Variants in OR5AN1 observed in about 807,000 individuals in gnomAD.
OR5AN1 encodes the protein olfactory receptor family 5 subfamily AN member 1.
For synonymous variants in OR5AN1, 167 were observed against 131.8 expected, an observed-to-expected ratio of 1.27 and a Z score of -1.83; for missense variants, 476 against 368.9, an observed-to-expected ratio of 1.29 and a Z score of -2.38.
At position 59,364,641 on chromosome 11, in the gene OR5AN1, T is replaced by C. The variant is rs763619798; in HGVS notation, c.183T>C (p.Tyr61=). Residue 61 remains tyrosine, a synonymous_variant, in exon 2 of 2, where the codon TAT becomes TAC. Coordinates refer to ENST00000641998, the MANE Select transcript of OR5AN1 (RefSeq NM_001004729.2). ...RMDSHLHTPM[Y]FFLSNLSFID... The stretch of plus-strand genomic sequence containing the variant: ...ATTCCCACCTCCATACACCCATGTA[T>C]TTCTTCCTCAGTAACCTGTCCTTCA... 1.2e-6 allele frequency: 2 copies of C among 1,613,980 alleles called. No individual in the cohort carries two copies. Among genetic ancestry groups the C allele is most frequent in the African/African-American group, 2.7e-5 (2 of 74,934 alleles).
At position 59,368,638 on chromosome 11, in the gene OR5AN1, G is replaced by C. The variant is rs899398487; in HGVS notation, c.*3244G>C. 5 of 152,348 alleles carry C rather than the reference G, an allele frequency of 3.3e-5. No homozygotes were observed. Among genetic ancestry groups the C allele is most frequent in the African/African-American group, 1.2e-4 (5 of 41,424 alleles). 9.4% of individuals were successfully genotyped at this position (152,348 alleles called of 1,614,324 possible). On this transcript the variant is annotated 3_prime_UTR_variant, in exon 2 of 2. Coordinates refer to ENST00000641998, the MANE Select transcript of OR5AN1 (RefSeq NM_001004729.2). ...CCCACAACACATACCCTCTATCTTG[G>C]GCTGGCTGCACTGAGCGATTGCTGA...
rs1361830943 is a variant in OR5AN1, at chr11:59,370,239, A to G, written c.*4845A>G. On this transcript the variant is annotated 3_prime_UTR_variant, in exon 2 of 2. Transcript: ENST00000641998. The stretch of plus-strand genomic sequence containing the variant: ...AATAACCAGCTGACAGCACAATGAC[A>G]GAATCAAATGCACACATATCAGTAT... The G allele has an allele frequency of 1.3e-5, 2 of 152,252 alleles. No individual in the cohort carries two copies. Among genetic ancestry groups the G allele is most frequent in the Non-Finnish European group, 2.9e-5 (2 of 68,042 alleles). The allele number at this position is 152,252 out of a possible 1,614,324, so 9.4% of individuals were successfully genotyped here.
At chr11:59,364,096 A>G (rs1025520517) in intron 1 of OR5AN1, among the ~76,000 whole-genome samples, 4 of 152,170 alleles carry the variant, frequency 2.6e-5, no homozygotes, top group African/African-American at 4.8e-5. Context: ...ACAGTTATAT[A>G]ATGAATCACC....
rs986784589 is a variant in OR5AN1, at chr11:59,364,949, T to A, written c.491T>A (p.Leu164Ter). Reference sequence around the variant, plus strand: ...GCTTCTTTATTCCAAATTGGTGCTTTGCTTCAACTCCACTTCTGTGGGTCT... The same window carrying A: ...GCTTCTTTATTCCAAATTGGTGCTTAGCTTCAACTCCACTTCTGTGGGTCT... ...LTASLFQIGA[L>*]LQLHFCGSNV... Residue 164 changes from leucine (L) to a stop codon, truncating the protein, a stop_gained, in exon 2 of 2, where the codon TTG becomes TAG. Transcript: ENST00000641998. LOFTEE classifies it low-confidence loss of function (END_TRUNC). The A allele has an allele frequency of 1.2e-6, 2 of 1,614,170 alleles. No individual in the cohort carries two copies. The highest frequency in any genetic ancestry group is 2.2e-5 in the East Asian group (1 of 44,878).
In OR5AN1 at chr11:59,365,965, A is replaced by G. The variant is rs1565053894; in HGVS notation, c.*571A>G. On this transcript the variant is annotated 3_prime_UTR_variant, in exon 2 of 2. Coordinates refer to ENST00000641998, the MANE Select transcript of OR5AN1 (RefSeq NM_001004729.2). ...TCTTTAAGAAAGAGCAACATGAGAT[A>G]GCTGCAGTTTGCCTAAGACCTCTCT... 6.6e-6 allele frequency: 1 copy of G among 152,258 alleles called. No individual in the cohort carries two copies. Among genetic ancestry groups the G allele is most frequent in the East Asian group, 1.9e-4 (1 of 5,198 alleles). 9.4% of individuals were successfully genotyped at this position (152,258 alleles called of 1,614,324 possible).
chr11:59,364,540 C>T lies in OR5AN1; in HGVS notation c.82C>T (p.Leu28Phe), dbSNP rs762064224. The T allele has an allele frequency of 1.4e-5, 23 of 1,613,512 alleles. No individual in the cohort carries two copies. The highest frequency in any genetic ancestry group is 2.2e-5 in the South Asian group (2 of 91,036). The change falls in exon 2 of 2, where the codon CTC becomes TTC. Residue 28 changes from leucine (L) to phenylalanine (F), a missense_variant. Physicochemically the swap from Leu to Phe is conservative, Grantham distance 22. Coordinates refer to ENST00000641998, the MANE Select transcript of OR5AN1 (RefSeq NM_001004729.2). ...AGATTTTCCCAGGATCATAAAAGTG[C>T]TCTTCACTATATTCCTGGTGATCTA... is the stretch of plus-strand genomic sequence containing the variant. ...FSDFPRIIKV[L>F]FTIFLVIYIT...
rs201961211 is a variant in OR5AN1, at chr11:59,365,259, T to C, written c.801T>C (p.Gly267=). 1.2e-5 allele frequency: 20 copies of C among 1,613,870 alleles called. No homozygotes were observed. The highest frequency in any genetic ancestry group is 1.6e-5 in the Non-Finnish European group (19 of 1,179,890). Residue 267 remains glycine (G), a synonymous_variant, in exon 2 of 2, where the codon GGT becomes GGC. Coordinates refer to ENST00000641998, the MANE Select transcript of OR5AN1 (RefSeq NM_001004729.2). ...IFVYLSSSSG[G]SSSFDRFASV... Reference sequence around the variant, plus strand: ...TCTATTTGAGTTCCAGCTCTGGAGGTTCTTCAAGCTTTGACAGATTTGCAT... The same window carrying C: ...TCTATTTGAGTTCCAGCTCTGGAGGCTCTTCAAGCTTTGACAGATTTGCAT...
rs1186348058 is a variant in OR5AN1, at chr11:59,367,365, C to G, written c.*1971C>G. ...TTGGCAGAGCAGCCACTCAGGCCAGCATGGAGTCCTCGAAGGCTTAGATAC... is the reference window on the plus strand; with the variant it reads ...TTGGCAGAGCAGCCACTCAGGCCAGGATGGAGTCCTCGAAGGCTTAGATAC... On this transcript the variant is annotated 3_prime_UTR_variant, in exon 2 of 2. Coordinates refer to ENST00000641998, the MANE Select transcript of OR5AN1 (RefSeq NM_001004729.2). 2 of 152,416 alleles carry G rather than the reference C, an allele frequency of 1.3e-5. No individual in the cohort carries two copies. Among genetic ancestry groups the G allele is most frequent in the Admixed American group, 1.3e-4 (2 of 15,278 alleles). The allele number at this position is 152,416 out of a possible 1,614,324, so 9.4% of individuals were successfully genotyped here.
Position 59,371,343 on chromosome 11 carries a change from A to G in OR5AN1, c.*5949A>G, listed in dbSNP as rs1857592200. ...AAGTTAGAAGAAACAGAATATGTGA[A>G]GGTGAGGAATTCAGAGGAACCTCTA... On this transcript the variant is annotated 3_prime_UTR_variant, in exon 2 of 2. Transcript: ENST00000641998. The G allele has an allele frequency of 6.6e-6, 1 of 152,212 alleles. No homozygotes were observed. Among genetic ancestry groups the G allele is most frequent in the South Asian group, 2.1e-4 (1 of 4,832 alleles). The allele number at this position is 152,212 out of a possible 1,614,324, so 9.4% of individuals were successfully genotyped here.
chr11:59,360,031 CAA>C (rs1363133771), intron 1 of OR5AN1: 2 of 152,148 alleles, frequency 1.3e-5, no homozygotes, highest in Non-Finnish European at 2.9e-5. Context: ...AGGAATTAAT[CAA>C]AGAGAGTGAA....
At chr11:59,360,395 GT>G (rs568564178) in intron 1 of OR5AN1, among the ~76,000 whole-genome samples, 2 of 151,960 alleles carry the variant, frequency 1.3e-5, no homozygotes, top group Admixed American at 6.6e-5. Context: ...GTATTAGAGG[GT>G]TTTTTTATTT....
rs1857522520 is a variant in OR5AN1 at position 59,365,604 on chromosome 11, T to A, written c.*210T>A. The A allele has an allele frequency of 4.5e-6, 2 of 449,126 alleles. No homozygotes were observed. The highest frequency in any genetic ancestry group is 3.9e-5 in the Admixed American group (1 of 25,786). 27.8% of individuals were successfully genotyped at this position (449,126 alleles called of 1,614,324 possible). On this transcript the variant is annotated 3_prime_UTR_variant, in exon 2 of 2. Transcript: ENST00000641998. ...GGATCTTTAGGTCCTGGAGGTTCATTATTTTTATCCTACATCAGGATAAAT... is the reference window on the plus strand; with the variant it reads ...GGATCTTTAGGTCCTGGAGGTTCATAATTTTTATCCTACATCAGGATAAAT...
Position 59,368,998 on chromosome 11 carries a change from A to AC in OR5AN1, c.*3604_*3605insC, listed in dbSNP as rs1857564502. 1 of 152,204 alleles carries AC rather than the reference A, an allele frequency of 6.6e-6. No individual in the cohort carries two copies. The highest frequency in any genetic ancestry group is 2.4e-5 in the African/African-American group (1 of 41,438). 9.4% of individuals were successfully genotyped at this position (152,204 alleles called of 1,614,324 possible). On this transcript the variant is annotated 3_prime_UTR_variant, in exon 2 of 2. Coordinates refer to ENST00000641998, the MANE Select transcript of OR5AN1 (RefSeq NM_001004729.2). ...AATCACACCTCAAAACTTCAACACC[A>AC]AAAATATCTCACTAATATATCCCCC... is the stretch of plus-strand genomic sequence containing the variant.
chr11:59,360,232 A>T (rs558215316), intron 1 of OR5AN1: 1 of 152,308 alleles, frequency 6.6e-6, no homozygotes, highest in East Asian at 1.9e-4. Flanking sequence ...AAAAGTAAAG[A>T]GTTTCAGTGC....
At position 59,368,478 on chromosome 11, in the gene OR5AN1, G is replaced by C. The variant is rs1279365688; in HGVS notation, c.*3084G>C. On this transcript the variant is annotated 3_prime_UTR_variant, in exon 2 of 2. Coordinates refer to ENST00000641998, the MANE Select transcript of OR5AN1 (RefSeq NM_001004729.2). ...CCTTGACACGCTCCAACTAATGAAT[G>C]AGCAAAGACACTAAGTGCTTTATCC... The C allele has an allele frequency of 1.3e-5, 2 of 152,250 alleles. No individual in the cohort carries two copies. The highest frequency in any genetic ancestry group is 2.1e-4 in the South Asian group (1 of 4,830). 9.4% of individuals were successfully genotyped at this position (152,250 alleles called of 1,614,324 possible).
intron 1 of OR5AN1, among the ~76,000 whole-genome samples, chr11:59,361,124 A>T (rs1001835411): frequency 6.6e-6 from 1 of 151,564 alleles, no homozygotes; most frequent in South Asian, 2.1e-4. Context: ...GATAGAAAGA[A>T]GTACAATCAT....
Position 59,365,152 on chromosome 11 carries a change from G to T in OR5AN1, c.694G>T (p.Ala232Ser). 2 of 1,614,056 alleles carry T rather than the reference G, an allele frequency of 1.2e-6. No homozygotes were observed. Among genetic ancestry groups the T allele is most frequent in the Non-Finnish European group, 1.7e-6 (2 of 1,179,958 alleles). The change falls in exon 2 of 2, where the codon GCT (alanine) becomes TCT (serine). Residue 232 changes from alanine to serine, a missense_variant. Coordinates refer to ENST00000641998, the MANE Select transcript of OR5AN1 (RefSeq NM_001004729.2). ...IGISIMKITS[A>S]KGRSKAFNTC... ...CATCTCCATCATGAAGATCACTTCA[G>T]CTAAAGGCAGGTCCAAGGCATTCAA...
intron 1 of OR5AN1, among the ~76,000 whole-genome samples, chr11:59,363,274 T>C (rs61902462): frequency 0.18 from 27,982 of 152,202 alleles, 3,244 homozygotes; most frequent in Non-Finnish European, 0.27. Context: ...GTTAGAAGCT[T>C]TTATTGTCCT....
rs566804856 is a variant in OR5AN1 at position 59,371,283 on chromosome 11, G to T, written c.*5889G>T. ...AAAAACATAGTATGAGTGCAAAAAT[G>T]TTCACTGATTTGGAGAGAAAGATTG... On this transcript the variant is annotated 3_prime_UTR_variant, in exon 2 of 2. Coordinates refer to ENST00000641998, the MANE Select transcript of OR5AN1 (RefSeq NM_001004729.2). 2.0e-5 allele frequency: 3 copies of T among 152,184 alleles called. No homozygotes were observed. Among genetic ancestry groups the T allele is most frequent in the African/African-American group, 7.2e-5 (3 of 41,528 alleles). 9.4% of individuals were successfully genotyped at this position (152,184 alleles called of 1,614,324 possible). A position where few individuals can be genotyped will look rare whatever the true frequency, so the allele number is the denominator to read the frequency against.
Sources: gnomAD v4.1 joint callset for allele counts (sites outside exome capture counted in the v4.1 genomes callset) on GRCh38, gnomAD v4.1.1 for gene constraint, MANE v1.5 for transcripts, NCBI Gene and HGNC (gene_info 2026-07-23, HGNC 2026-07-21) for gene names.